Variants in BLK observed in about 807,000 individuals in gnomAD.
BLK encodes tyrosine-protein kinase Blk.
BLK carries 64 observed loss-of-function variants against 61.8 expected under a neutral mutation model. The observed-to-expected ratio is 1.03, with a 90% CI of 0.85 to 1.27. The LOEUF (loss-of-function observed/expected upper bound fraction) is 1.27, where lower values mean the gene tolerates loss of function less well. Ranked by LOEUF, BLK falls within the 50% of genes most tolerant of loss-of-function variation. The pLI, the probability that BLK is intolerant of heterozygous loss-of-function variation, is 0.00. For missense variants in BLK, 853 were observed against 660.5 expected, an observed-to-expected ratio of 1.29 and a Z score of -3.19; for synonymous variants, 351 against 272.0, an observed-to-expected ratio of 1.29 and a Z score of -2.86.
intron 1 of BLK, among the ~76,000 whole-genome samples, chr8:11,513,648 C>T (rs1799109932): frequency 1.3e-5 from 2 of 152,354 alleles, no homozygotes; most frequent in South Asian, 4.1e-4. Flanking sequence ...TACAAGATTG[C>T]ACCTTGGGCT....
At chr8:11,537,829 T>C (rs896810809) in intron 1 of BLK, among the ~76,000 whole-genome samples, 1 of 152,238 alleles carries the variant, frequency 6.6e-6, no homozygotes, top group Admixed American at 6.5e-5. Flanking sequence ...CTATTTTTAG[T>C]TGATGCCTCC....
intron 1 of BLK, among the ~76,000 whole-genome samples, chr8:11,532,784 A>G (rs571569154): frequency 2.3e-4 from 35 of 152,312 alleles, no homozygotes; most frequent in African/African-American, 3.4e-4. Flanking sequence ...TTGTTACTGG[A>G]TGACAGGCAC....
intron 8 of BLK, chr8:11,556,187 G>C (rs1282835907): frequency 3.8e-6 from 1 of 265,752 alleles, no homozygotes; most frequent in Non-Finnish European, 7.3e-6. Flanking sequence ...ATGGAGTACA[G>C]GGAGAGTGTG....
intron 9 of BLK, 135 bp downstream of exon 9, chr8:11,556,972 C>T: frequency 1.6e-6 from 1 of 641,770 alleles, no homozygotes; most frequent in Non-Finnish European, 2.4e-6. Flanking sequence ...GGTGTGGGGA[C>T]AGGGAGGGAT....
chr8:11,508,946 C>T (rs560791453), intron 1 of BLK, among the ~76,000 whole-genome samples: 1 of 152,146 alleles, frequency 6.6e-6, no homozygotes, highest in African/African-American at 2.4e-5. Flanking sequence ...GCCTTTTGTG[C>T]CTCCTACTCA....
At chr8:11,501,810 C>G (rs1314279674) in intron 1 of BLK, among the ~76,000 whole-genome samples, 2 of 152,186 alleles carry the variant, frequency 1.3e-5, no homozygotes, top group African/African-American at 4.8e-5. Context: ...AGTGAAACAA[C>G]AAAGAGTTGG....
chr8:11,560,430 C>A, intron 10 of BLK: 1 of 236,594 alleles, frequency 4.2e-6, no homozygotes, highest in Non-Finnish European at 8.4e-6. Context: ...TGGATGGATT[C>A]ATAGATAAAC....
chr8:11,555,376 C>T lies in BLK; in HGVS notation c.664C>T (p.Arg222Cys), dbSNP rs775132094. 1.1e-5 allele frequency: 17 copies of T among 1,614,006 alleles called. No individual in the cohort carries two copies. The highest frequency in any genetic ancestry group is 2.2e-5 in the East Asian group (1 of 44,890). Reference protein sequence around the residue: ...LCQRLTLPCVRPAPQNPWAQD... With the variant: ...LCQRLTLPCVCPAPQNPWAQD... ...CCAGAGGCTGACCCTGCCCTGTGTG[C>T]GCCCGGCCCCGCAGAATCCCTGGGC... Residue 222 changes from arginine to cysteine, a missense_variant, in exon 8 of 13, where the codon CGC (arginine) becomes TGC (cysteine). Physicochemically the swap from Arg to Cys is radical, Grantham distance 180. Transcript: ENST00000259089.
Position 11,555,245 on chromosome 8 carries a change from GAGGGCCAGCT to G in BLK, c.620-83_620-74del, listed in dbSNP as rs527428664. 67 of 1,579,386 alleles carry G rather than the reference GAGGGCCAGCT, an allele frequency of 4.2e-5. No individual in the cohort carries two copies. The South Asian group carries it at 7.3e-4, about 17-fold the overall frequency. On this transcript the variant is annotated intron_variant, in intron 7 of 12. Coordinates refer to ENST00000259089, the MANE Select transcript of BLK (RefSeq NM_001715.3). ...CAGGGGGTGGGGTGGCTGGGGAGTG[GAGGGCCAGCT>G]AGGAATGATACAGCTCCCAAGGTAG...
chr8:11,540,823 T>A (rs561357829), intron 1 of BLK, among the ~76,000 whole-genome samples: 1 of 143,306 alleles, frequency 7.0e-6, no homozygotes, highest in Non-Finnish European at 1.5e-5. Flanking sequence ...GAGGAACAGA[T>A]AACCCCACTG....
intron 3 of BLK, 55 bp from the exon 4 acceptor site, chr8:11,547,977 C>T (rs1196518075): frequency 6.7e-7 from 1 of 1,501,662 alleles, no homozygotes; most frequent in African/African-American, 1.4e-5. Flanking sequence ...CACCCCAGCC[C>T]CACCTTCCCG....
rs144159494 is a variant in BLK, at chr8:11,531,102, G to A, written c.-1-12122G>A. 3.9e-4 allele frequency among the ~76,000 whole-genome samples: 59 copies of A among 152,238 alleles called. No individual in the cohort carries two copies. In the East Asian group the frequency reaches 5.2e-3, roughly 13 times the overall value. The stretch of plus-strand genomic sequence containing the variant: ...CATTCCCCTAATGACTGACGACACC[G>A]AACACCTGTTCATGGGTTTGTGTGC... On this transcript the variant is annotated intron_variant, in intron 1 of 12. Coordinates refer to ENST00000259089, the MANE Select transcript of BLK (RefSeq NM_001715.3).
chr8:11,551,723 C>T (rs1194968159), intron 6 of BLK, among the ~76,000 whole-genome samples: 8 of 152,062 alleles, frequency 5.3e-5, no homozygotes, highest in Admixed American at 2.6e-4. Flanking sequence ...TGTGTTGCAC[C>T]GAACCCTATT....
chr8:11,506,588 G>T (rs951753091), intron 1 of BLK, among the ~76,000 whole-genome samples: 3 of 152,222 alleles, frequency 2.0e-5, no homozygotes, highest in African/African-American at 7.2e-5. Context: ...CTACATCTCT[G>T]TTGGGGAGAG....
At chr8:11,522,201 A>T (rs1240393451) in intron 1 of BLK, among the ~76,000 whole-genome samples, 1 of 152,240 alleles carries the variant, frequency 6.6e-6, no homozygotes. Flanking sequence ...AAAAAAAACT[A>T]CATTTTTCTA....
At chr8:11,552,632 C>T (rs998252685) in intron 6 of BLK, 5 of 152,200 alleles carry the variant, frequency 3.3e-5, no homozygotes, top group East Asian at 1.9e-4. Context: ...CTGTATCTCC[C>T]GCTCCACCCC....
chr8:11,554,402 A>G (rs890318804), intron 6 of BLK, among the ~76,000 whole-genome samples: 2 of 152,236 alleles, frequency 1.3e-5, no homozygotes, highest in Middle Eastern at 3.4e-3. Context: ...AGATTTCTCA[A>G]TAGTCCATGA....
At chr8:11,504,521 C>T (rs530769430) in intron 1 of BLK, among the ~76,000 whole-genome samples, 3 of 152,286 alleles carry the variant, frequency 2.0e-5, no homozygotes, top group Admixed American at 6.5e-5. Context: ...GAGAAGTAGG[C>T]GCCTTCAGAA....
intron 1 of BLK, among the ~76,000 whole-genome samples, chr8:11,535,888 A>G (rs904487547): frequency 6.6e-6 from 1 of 152,230 alleles, no homozygotes; most frequent in African/African-American, 2.4e-5. Context: ...CATCACAAGG[A>G]CGCAAAATCC....
Sources: allele counts gnomAD v4.1 joint callset (sites outside exome capture counted in the v4.1 genomes callset), GRCh38; gene constraint gnomAD v4.1.1; transcripts MANE v1.5; gene names NCBI Gene and HGNC (gene_info 2026-07-23, HGNC 2026-07-21).